The following ZNF254 variants were observed in gnomAD, a reference collection of about 807,000 sequenced individuals.
ZNF254 encodes the protein CTD-2017D11.1.
Under a neutral mutation model 12.4 loss-of-function variants are expected in ZNF254, and 10 were observed. That is an observed-to-expected ratio of 0.80 (90% CI 0.50 to 1.36). ZNF254 has a LOEUF of 1.36. ZNF254 is among the 40% of genes most tolerant of loss of function. The pLI is 0.00. For missense variants in ZNF254, 996 were observed against 763.9 expected (o/e 1.30, Z -3.58); for synonymous variants, 305 against 253.4 (o/e 1.20, Z -1.93).
intron 2 of ZNF254, among the ~76,000 whole-genome samples, chr19:24,059,290 C>T (rs998155604): frequency 6.6e-6 from 1 of 152,192 alleles, no homozygotes; most frequent in African/African-American, 2.4e-5. Context: ...CTGGGCCCAG[C>T]ACCTAGGTGA....
intron 3 of ZNF254, among the ~76,000 whole-genome samples, chr19:24,122,268 A>G (rs1044086218): frequency 1.3e-5 from 2 of 151,980 alleles, no homozygotes; most frequent in African/African-American, 4.8e-5. Context: ...TCTGTCACCC[A>G]GGCTGAAGTG....
chr19:24,047,449 A>G (rs2145262142), intron 2 of ZNF254, among the ~76,000 whole-genome samples: 1 of 151,072 alleles, frequency 6.6e-6, no homozygotes, highest in East Asian at 2.0e-4. Context: ...TATTTCTTGT[A>G]GTAGAGACGA....
intron 2 of ZNF254, among the ~76,000 whole-genome samples, chr19:24,054,286 T>G (rs1970758262): frequency 6.6e-6 from 1 of 152,120 alleles, no homozygotes. Flanking sequence ...TTGGCTGAAA[T>G]CCCAGGTGAT....
chr19:24,113,014 G>T (rs75747746), intron 3 of ZNF254, among the ~76,000 whole-genome samples: 2 of 152,150 alleles, frequency 1.3e-5, no homozygotes, highest in African/African-American at 4.8e-5. Context: ...ACCAATAAAA[G>T]GAGCTGAAAT....
intron 1 of ZNF254, 175 bp from the exon 2 acceptor site, chr19:24,105,765 A>G: frequency 9.4e-7 from 1 of 1,063,922 alleles, no homozygotes; most frequent in Non-Finnish European, 1.3e-6. Context: ...CTATTTTCTC[A>G]GAGTTAGAGA....
intron 2 of ZNF254, among the ~76,000 whole-genome samples, chr19:24,060,981 T>G (rs62114824): frequency 0.15 from 22,585 of 152,188 alleles, 1,935 homozygotes; most frequent in Middle Eastern, 0.23. Flanking sequence ...CCTACCCTCA[T>G]TGATTTTTGT....
intron 3 of ZNF254, among the ~76,000 whole-genome samples, chr19:24,121,866 T>C (rs1414851344): frequency 6.6e-6 from 1 of 152,118 alleles, no homozygotes; most frequent in African/African-American, 2.4e-5. Flanking sequence ...CCCTTGGTTT[T>C]TTTTTGTTTG....
chr19:24,046,795 C>T (rs1970407020), intron 2 of ZNF254, among the ~76,000 whole-genome samples: 1 of 151,756 alleles, frequency 6.6e-6, no homozygotes, highest in Admixed American at 6.6e-5. Context: ...CTGGAGGCTT[C>T]ACCCAGTGCT....
At chr19:24,050,530 A>G (rs916716212) in intron 2 of ZNF254, among the ~76,000 whole-genome samples, 3 of 152,232 alleles carry the variant, frequency 2.0e-5, no homozygotes, top group Non-Finnish European at 2.9e-5. Context: ...CACCAAGGTG[A>G]TATGACTCTC....
intron 2 of ZNF254, among the ~76,000 whole-genome samples, chr19:24,078,052 GTTTT>G (rs1054669559): frequency 6.4e-4 from 98 of 152,284 alleles, no homozygotes; most frequent in African/African-American, 2.3e-3. Flanking sequence ...GTTGTTGTTT[GTTTT>G]GAGACGAAGT....
intron 2 of ZNF254, among the ~76,000 whole-genome samples, chr19:24,070,751 A>C (rs567451582): frequency 6.6e-6 from 1 of 152,274 alleles, no homozygotes; most frequent in South Asian, 2.1e-4. Flanking sequence ...TGGGCCTGGC[A>C]CACAGATGGG....
rs192706750 is a variant in ZNF254 at position 24,126,949 on chromosome 19, A to T, written c.949A>T (p.Thr317Ser). Residue 317 changes from threonine to serine, a missense_variant, in exon 4 of 4, where the codon ACT (threonine) becomes TCT (serine). Transcript: ENST00000357002. ...CCTTACTGAGCATAAGAAAATTCAT[A>T]CTAGAAAGAAACCCTACAAGTGTGA... ...STLTEHKKIH[T>S]RKKPYKCEEC... 1.9e-6 allele frequency: 3 copies of T among 1,613,470 alleles called. No individual in the cohort carries two copies. Among genetic ancestry groups the T allele is most frequent in the Non-Finnish European group, 2.5e-6 (3 of 1,179,730 alleles).
chr19:24,068,502 T>C (rs1971361799), intron 2 of ZNF254, among the ~76,000 whole-genome samples: 1 of 152,226 alleles, frequency 6.6e-6, no homozygotes, highest in Non-Finnish European at 1.5e-5. Flanking sequence ...AGTTTCACCA[T>C]GTTGGCCAGG....
chr19:24,087,265 C>G lies in ZNF254; in HGVS notation c.-43C>G, dbSNP rs369338295. On this transcript the variant is annotated 5_prime_UTR_variant, in exon 1 of 4. Coordinates refer to ENST00000357002, the MANE Select transcript of ZNF254 (RefSeq NM_203282.4). ...TCCTCTGCTCCTAGAGGCCCAGCCTCTGTGGCGCTGTTACCAGCAGGTATT... is the reference window on the plus strand; with the variant it reads ...TCCTCTGCTCCTAGAGGCCCAGCCTGTGTGGCGCTGTTACCAGCAGGTATT... The G allele has an allele frequency of 1.9e-6, 3 of 1,612,538 alleles. No individual in the cohort carries two copies. The highest frequency in any genetic ancestry group is 2.5e-6 in the Non-Finnish European group (3 of 1,179,130).
intron 3 of ZNF254, among the ~76,000 whole-genome samples, chr19:24,115,402 A>G (rs1008532586): frequency 3.3e-5 from 5 of 152,104 alleles, no homozygotes; most frequent in African/African-American, 9.7e-5. Flanking sequence ...GGAAATCATC[A>G]TTCTCAGTAA....
intron 1 of ZNF254, among the ~76,000 whole-genome samples, chr19:24,044,237 TAA>T (rs369998937): frequency 2.8e-4 from 37 of 133,830 alleles, no homozygotes; most frequent in Non-Finnish European, 2.7e-4. Flanking sequence ...AGACTCCGTT[TAA>T]AAAAAAAAAA....
At chr19:24,073,765 A>T (rs1971562733) in intron 2 of ZNF254, among the ~76,000 whole-genome samples, 1 of 152,246 alleles carries the variant, frequency 6.6e-6, no homozygotes. Flanking sequence ...GCTCTTATGC[A>T]TGTATTCAGT....
At chr19:24,107,258 G>T in intron 3 of ZNF254, 2 of 644,860 alleles carry the variant, frequency 3.1e-6, no homozygotes, top group South Asian at 1.7e-5. Context: ...CTGGAATTTT[G>T]ATAAGGAGTT....
At chr19:24,121,092 T>C (rs1974449922) in intron 3 of ZNF254, among the ~76,000 whole-genome samples, 1 of 151,112 alleles carries the variant, frequency 6.6e-6, no homozygotes, top group South Asian at 2.1e-4. Flanking sequence ...CTCCCTCAAC[T>C]TTTATTTTGG....
Sources: allele counts gnomAD v4.1 joint callset (sites outside exome capture counted in the v4.1 genomes callset), GRCh38; gene constraint gnomAD v4.1.1; transcripts MANE v1.5; gene names NCBI Gene and HGNC (gene_info 2026-07-23, HGNC 2026-07-21).